The following RBFOX1 variants were observed in gnomAD, a reference collection of about 807,000 sequenced individuals.
RBFOX1 encodes RNA binding protein fox-1 homolog 1.
In RBFOX1, 8 loss-of-function variants were observed where a neutral mutation model predicts 57.7. The observed-to-expected ratio is 0.14, with a 90% CI of 0.08 to 0.25. RBFOX1 has a LOEUF of 0.25. Ranked by LOEUF, RBFOX1 falls within the 10% of genes least tolerant of loss-of-function variation. RBFOX1 has a pLI of 1.00. For missense variants in RBFOX1, 611 were observed against 548.5 expected (o/e 1.11, Z -1.14); for synonymous variants, 326 against 222.4 (o/e 1.47, Z -4.15).
At chr16:7,053,042 G>A (rs750606865) in intron 4 of RBFOX1, among the ~76,000 whole-genome samples, 4 of 152,202 alleles carry the variant, frequency 2.6e-5, no homozygotes, top group African/African-American at 4.8e-5. Flanking sequence ...TAAGCATAAT[G>A]TATTTAACAG....
At chr16:5,989,693 G>A (rs1212083460) in intron 4 of RBFOX1, among the ~76,000 whole-genome samples, 1 of 151,902 alleles carries the variant, frequency 6.6e-6, no homozygotes, top group Non-Finnish European at 1.5e-5. Context: ...AATTTCTCTG[G>A]GGGTGGGGAA....
At chr16:6,806,980 C>T (rs959385285) in intron 3 of RBFOX1, among the ~76,000 whole-genome samples, 12 of 151,214 alleles carry the variant, frequency 7.9e-5, no homozygotes, top group African/African-American at 2.2e-4. Flanking sequence ...ATTGCAGGCA[C>T]GTCTCACCAC....
chr16:6,848,889 C>G (rs796144105), intron 3 of RBFOX1, among the ~76,000 whole-genome samples: 1 of 152,108 alleles, frequency 6.6e-6, no homozygotes, highest in African/African-American at 2.4e-5. Flanking sequence ...CAAAGAGGAA[C>G]AGAAAACGAT....
At position 7,184,587 on chromosome 16, in the gene RBFOX1, C is replaced by G. The variant is rs112913010; in HGVS notation, c.27+132489C>G. 1.7e-3 allele frequency among the ~76,000 whole-genome samples: 256 copies of G among 152,316 alleles called. 1 individual carries two copies. Among genetic ancestry groups the G allele is most frequent in the African/African-American group, 5.9e-3 (246 of 41,574 alleles). ...CCTTTGTGACAATCCTTAGTCTTGT[C>G]TGTTTAGCAAACAGTATGGCAAGTT... is the stretch of plus-strand genomic sequence containing the variant. On this transcript the variant is annotated intron_variant, in intron 4 of 15. Transcript: ENST00000550418.
chr16:5,897,820 T>A (rs932090570), intron 4 of RBFOX1, among the ~76,000 whole-genome samples: 11 of 149,062 alleles, frequency 7.4e-5, no homozygotes, highest in Non-Finnish European at 1.3e-4. Context: ...TCTATTGCAA[T>A]TCATTTAACT....
Position 7,251,564 on chromosome 16 carries a change from TCGC to T in RBFOX1, c.27+199471_27+199473del, listed in dbSNP as rs564541923. Reference sequence around the variant, plus strand: ...TAGCTGGGATTACACGTGTCTCCCCTCGCCGCCATCAAGCCCAGCTAATTTTTG... The same window carrying T: ...TAGCTGGGATTACACGTGTCTCCCCTCGCCATCAAGCCCAGCTAATTTTTG... On this transcript the variant is annotated intron_variant, in intron 4 of 15. Coordinates refer to ENST00000550418, the MANE Select transcript of RBFOX1 (RefSeq NM_018723.4). 3.3e-5 allele frequency among the ~76,000 whole-genome samples: 5 copies of T among 151,996 alleles called. No homozygotes were observed. In the South Asian group the frequency reaches 1.0e-3, roughly 32 times the overall value.
At chr16:7,698,244 C>G (rs1231087261) in intron 14 of RBFOX1, among the ~76,000 whole-genome samples, 1 of 151,534 alleles carries the variant, frequency 6.6e-6, no homozygotes, top group Non-Finnish European at 1.5e-5. Flanking sequence ...GGCTGGGACT[C>G]ACTAGCAGGA....
chr16:7,137,583 C>T (rs1420670050), intron 4 of RBFOX1, among the ~76,000 whole-genome samples: 2 of 152,170 alleles, frequency 1.3e-5, no homozygotes, highest in Non-Finnish European at 2.9e-5. Context: ...TTTCTTTATA[C>T]ATTACCCAGT....
chr16:5,400,034 C>T (rs1290339096), intron 1 of RBFOX1, among the ~76,000 whole-genome samples: 1 of 152,120 alleles, frequency 6.6e-6, no homozygotes, highest in African/African-American at 2.4e-5. Flanking sequence ...TACTCATCAC[C>T]TGGAGCTGAC....
intron 3 of RBFOX1, among the ~76,000 whole-genome samples, chr16:6,978,126 C>T (rs2087616141): frequency 6.6e-6 from 1 of 151,464 alleles, no homozygotes; most frequent in Non-Finnish European, 1.5e-5. Flanking sequence ...GCCCTGAACA[C>T]AACAGCCGGG....
intron 3 of RBFOX1, among the ~76,000 whole-genome samples, chr16:5,775,558 C>T (rs1211452371): frequency 6.6e-6 from 1 of 152,172 alleles, no homozygotes; most frequent in Admixed American, 6.5e-5. Flanking sequence ...GGTTCAGACA[C>T]CAGGTGCACA....
intron 7 of RBFOX1, among the ~76,000 whole-genome samples, chr16:7,595,142 C>T (rs755694809): frequency 4.6e-5 from 7 of 152,064 alleles, no homozygotes; most frequent in African/African-American, 7.2e-5. Flanking sequence ...TTCGTGCACA[C>T]GTTTTATTTT....
intron 1 of RBFOX1, among the ~76,000 whole-genome samples, chr16:5,269,849 G>T (rs2062960380): frequency 6.6e-6 from 1 of 152,152 alleles, no homozygotes; most frequent in Non-Finnish European, 1.5e-5. Flanking sequence ...TTCAACACTT[G>T]ATTGGCTTTA....
intron 2 of RBFOX1, among the ~76,000 whole-genome samples, chr16:5,523,780 C>T (rs1400131981): frequency 5.3e-5 from 8 of 152,164 alleles, no homozygotes; most frequent in African/African-American, 1.9e-4. Flanking sequence ...AACATTTCCT[C>T]TTACTGCCTC....
intron 4 of RBFOX1, among the ~76,000 whole-genome samples, chr16:5,906,766 G>C (rs978768216): frequency 8.7e-6 from 1 of 114,812 alleles, no homozygotes; most frequent in Admixed American, 1.3e-4. Context: ...ATGGAGTCTC[G>C]CACTGTCTTC....
chr16:6,765,748 C>G (rs1196833294), intron 3 of RBFOX1, among the ~76,000 whole-genome samples: 2 of 152,076 alleles, frequency 1.3e-5, no homozygotes, highest in Admixed American at 1.3e-4. Context: ...TGCCCAGCAA[C>G]CAATAAGTAG....
chr16:6,897,432 C>A (rs1001607240), intron 3 of RBFOX1, among the ~76,000 whole-genome samples: 6 of 152,012 alleles, frequency 3.9e-5, no homozygotes, highest in African/African-American at 1.4e-4. Flanking sequence ...TTTGCATTGA[C>A]TGGGGCATGT....
intron 4 of RBFOX1, among the ~76,000 whole-genome samples, chr16:7,222,478 G>A (rs992171327): frequency 6.6e-6 from 1 of 152,104 alleles, no homozygotes; most frequent in Non-Finnish European, 1.5e-5. Context: ...TGAAAAGTTG[G>A]CAATGCAAGG....
intron 2 of RBFOX1, among the ~76,000 whole-genome samples, chr16:6,434,242 G>A (rs1373816818): frequency 6.6e-6 from 1 of 152,166 alleles, no homozygotes; most frequent in Non-Finnish European, 1.5e-5. Context: ...CATCTGCAAA[G>A]TCCATTTGGC....
Sources: allele counts gnomAD v4.1 joint callset (sites outside exome capture counted in the v4.1 genomes callset), GRCh38; gene constraint gnomAD v4.1.1; transcripts MANE v1.5; gene names NCBI Gene and HGNC (gene_info 2026-07-23, HGNC 2026-07-21).